HERPUD2: variants seen among roughly 807,000 people sequenced by gnomAD.
HERPUD2 encodes the protein HERPUD family member 2.
A neutral mutation model predicts 49.9 loss-of-function variants in HERPUD2; 13 were observed. The observed-to-expected ratio is 0.26, with a 90% CI of 0.17 to 0.41. HERPUD2 has a LOEUF of 0.41. Among genes scored for constraint, HERPUD2 ranks in the 10% least tolerant of loss-of-function variants. The pLI, the probability that HERPUD2 is intolerant of heterozygous loss-of-function variation, is 1.00. For missense variants in HERPUD2, 449 were observed against 492.2 expected, an observed-to-expected ratio of 0.91 and a Z score of 0.83; for synonymous variants, 172 against 171.4, an observed-to-expected ratio of 1.00 and a Z score of -0.03.
Position 35,638,354 on chromosome 7 carries a change from G to A in HERPUD2, c.613C>T (p.Gln205Ter), listed in dbSNP as rs747446786. 6.3e-7 allele frequency: 1 copy of A among 1,593,888 alleles called. No individual in the cohort carries two copies. The highest frequency in any genetic ancestry group is 1.3e-5 in the African/African-American group (1 of 74,798). The part of the protein sequence containing the change: ...QQMYAHQYYM[Q>*]YQAAVSAQAT... ...AATGAACTCAGATTAACTTACTACTGCATATAATACTGATGAGCATACATC... is the reference window on the plus strand; with the variant it reads ...AATGAACTCAGATTAACTTACTACTACATATAATACTGATGAGCATACATC... Residue 205 changes from glutamine (Q) to a stop codon, truncating the protein, a stop_gained, in exon 6 of 9, where the codon CAG becomes TAG. Transcript: ENST00000311350. LOFTEE classifies it high-confidence loss of function.
chr7:35,647,097 C>G (rs1785068082), intron 5 of HERPUD2, among the ~76,000 whole-genome samples: 2 of 152,168 alleles, frequency 1.3e-5, no homozygotes, highest in East Asian at 3.8e-4. Flanking sequence ...ATTAAAGGAA[C>G]TGGAAACTTC....
Position 35,668,302 on chromosome 7 carries a change from A to G in HERPUD2, c.340-714T>C, listed in dbSNP as rs139269661. On this transcript the variant is annotated intron_variant, in intron 4 of 8. Transcript: ENST00000311350. ...AACTACGAGAATCAAGATGTTAATC[A>G]GTATTTTTTTATTCTCATGCTCAAA... Among the ~76,000 whole-genome samples the G allele has an allele frequency of 2.6e-3, 389 of 152,342 alleles. 1 individual carries two copies. The highest frequency in any genetic ancestry group is 3.8e-3 in the Admixed American group (58 of 15,292).
intron 5 of HERPUD2, among the ~76,000 whole-genome samples, chr7:35,645,012 T>C (rs2115855395): frequency 6.6e-6 from 1 of 152,290 alleles, no homozygotes; most frequent in Non-Finnish European, 1.5e-5. Context: ...GATAAAATTA[T>C]AAGGTCTAGG....
At chr7:35,687,010 A>C (rs1254453606) in intron 2 of HERPUD2, among the ~76,000 whole-genome samples, 1 of 151,900 alleles carries the variant, frequency 6.6e-6, no homozygotes, top group Non-Finnish European at 1.5e-5. Flanking sequence ...CAGTGAGCTG[A>C]GATCACGCCA....
In HERPUD2 at chr7:35,667,554, G is replaced by A. The variant is rs1387214114; in HGVS notation, c.374C>T (p.Ser125Phe). The change falls in exon 5 of 9, where the codon TCT becomes TTT. Residue 125 changes from serine to phenylalanine, a missense_variant. Transcript: ENST00000311350. ...AGCTAAAGACAAGGTTTCTTGACCA[G>A]ATGATGGAGTTGTTGATCCTGAATG... ...SDHSGSTTPS[S>F]GQETLSLAVG... 6.2e-7 allele frequency: 1 copy of A among 1,613,626 alleles called. No homozygotes were observed. The highest frequency in any genetic ancestry group is 8.5e-7 in the Non-Finnish European group (1 of 1,179,580).
At chr7:35,691,934 G>GA (rs561389207) in intron 2 of HERPUD2, among the ~76,000 whole-genome samples, 4 of 152,084 alleles carry the variant, frequency 2.6e-5, no homozygotes, top group Non-Finnish European at 4.4e-5. Context: ...AGTTTTCAGT[G>GA]AAATTCTATG....
intron 5 of HERPUD2, among the ~76,000 whole-genome samples, chr7:35,643,524 T>C (rs1427001252): frequency 6.6e-6 from 1 of 152,138 alleles, no homozygotes. Context: ...TGAAATTTTG[T>C]TGAAAAACAA....
chr7:35,679,206 TA>T (rs1785827875), intron 2 of HERPUD2, among the ~76,000 whole-genome samples: 1 of 152,192 alleles, frequency 6.6e-6, no homozygotes, highest in South Asian at 2.1e-4. Flanking sequence ...ATTAATTTTT[TA>T]TCCAGAAAAA....
At chr7:35,650,889 AG>A (rs1444026432) in intron 5 of HERPUD2, among the ~76,000 whole-genome samples, 4 of 152,132 alleles carry the variant, frequency 2.6e-5, no homozygotes, top group Non-Finnish European at 5.9e-5. Flanking sequence ...ACAAACCACC[AG>A]GGAGCCTGAG....
intron 5 of HERPUD2, among the ~76,000 whole-genome samples, chr7:35,643,024 T>C (rs1210037183): frequency 2.0e-5 from 3 of 152,208 alleles, no homozygotes; most frequent in Admixed American, 6.5e-5. Context: ...AATTAGCTTA[T>C]AGAAATATGA....
At chr7:35,672,629 C>A (rs1290581994) in intron 3 of HERPUD2, among the ~76,000 whole-genome samples, 1 of 152,048 alleles carries the variant, frequency 6.6e-6, no homozygotes, top group Non-Finnish European at 1.5e-5. Flanking sequence ...CTGAAAAGCT[C>A]TATAAGTATA....
chr7:35,693,099 A>G (rs1167720168), intron 2 of HERPUD2, among the ~76,000 whole-genome samples: 1 of 152,244 alleles, frequency 6.6e-6, no homozygotes, highest in East Asian at 1.9e-4. Flanking sequence ...CTTCTTTTCT[A>G]AACTATTCCA....
At chr7:35,648,655 A>G (rs1244113098) in intron 5 of HERPUD2, among the ~76,000 whole-genome samples, 1 of 152,146 alleles carries the variant, frequency 6.6e-6, no homozygotes, top group Admixed American at 6.6e-5. Context: ...AAGACTTCAA[A>G]TGTGCTCAGT....
At chr7:35,655,472 C>T (rs1490022692) in intron 5 of HERPUD2, among the ~76,000 whole-genome samples, 2 of 152,112 alleles carry the variant, frequency 1.3e-5, no homozygotes, top group Non-Finnish European at 2.9e-5. Flanking sequence ...GGACAAAAAC[C>T]ATATGATCAT....
chr7:35,662,305 T>A (rs953123578), intron 5 of HERPUD2, among the ~76,000 whole-genome samples: 1 of 152,246 alleles, frequency 6.6e-6, no homozygotes, highest in African/African-American at 2.4e-5. Flanking sequence ...TTTACATCGA[T>A]GTTCATCGGG....
intron 6 of HERPUD2, among the ~76,000 whole-genome samples, chr7:35,636,990 C>G (rs1784879877): frequency 6.6e-6 from 1 of 151,950 alleles, no homozygotes; most frequent in South Asian, 2.1e-4. Flanking sequence ...AAAAATTACC[C>G]AGATGTGGTG....
chr7:35,665,900 ATTTG>A (rs750219649), intron 5 of HERPUD2, among the ~76,000 whole-genome samples: 56 of 152,312 alleles, frequency 3.7e-4, no homozygotes, highest in South Asian at 1.4e-3. Context: ...TATAAGCTTG[ATTTG>A]TTTATTACAA....
intron 5 of HERPUD2, among the ~76,000 whole-genome samples, chr7:35,642,450 C>T (rs1262841808): frequency 6.6e-6 from 1 of 152,168 alleles, no homozygotes; most frequent in Admixed American, 6.5e-5. Context: ...CCAGCAATTC[C>T]ATTACTGGGT....
chr7:35,644,099 T>C (rs528311381), intron 5 of HERPUD2, among the ~76,000 whole-genome samples: 8 of 152,236 alleles, frequency 5.3e-5, no homozygotes, highest in Non-Finnish European at 1.0e-4. Flanking sequence ...GACTAGGATG[T>C]TTTAGCATAG....
Sources: allele counts gnomAD v4.1 joint callset (sites outside exome capture counted in the v4.1 genomes callset), GRCh38; gene constraint gnomAD v4.1.1; transcripts MANE v1.5; gene names NCBI Gene and HGNC (gene_info 2026-07-23, HGNC 2026-07-21).